Variants in SCUBE1 observed in about 807,000 individuals in gnomAD.
The protein encoded by SCUBE1 is signal peptide, CUB and EGF-like domain-containing protein 1.
A neutral mutation model predicts 124.4 loss-of-function variants in SCUBE1; 59 were observed. The observed-to-expected ratio is 0.47, with a 90% CI of 0.38 to 0.59. The LOEUF is 0.59. SCUBE1 is among the 20% of genes least tolerant of loss of function. The pLI is 0.00. For synonymous variants in SCUBE1, 545 were observed against 550.9 expected, an observed-to-expected ratio of 0.99 and a Z score of 0.15; for missense variants, 1,150 against 1,371.2, an observed-to-expected ratio of 0.84 and a Z score of 2.55.
At chr22:43,334,634 TATC>T (rs1927005154) in intron 2 of SCUBE1, among the ~76,000 whole-genome samples, 1 of 144,448 alleles carries the variant, frequency 6.9e-6, no homozygotes, top group African/African-American at 2.5e-5. Context: ...CCATCAACAT[TATC>T]ATCACCACCA....
chr22:43,259,556 C>T (rs1923795185), intron 5 of SCUBE1, among the ~76,000 whole-genome samples: 1 of 152,214 alleles, frequency 6.6e-6, no homozygotes, highest in African/African-American at 2.4e-5. Flanking sequence ...TCAGAACTGA[C>T]TTCTCCGCAC....
intron 6 of SCUBE1, among the ~76,000 whole-genome samples, chr22:43,253,682 T>G (rs879275872): frequency 5.5e-5 from 8 of 145,872 alleles, no homozygotes; most frequent in Non-Finnish European, 1.2e-4. Context: ...ATCCACTGAC[T>G]CTCATTATTG....
rs576347843 is a variant in SCUBE1 at position 43,315,768 on chromosome 22, C to T, written c.349+4169G>A. On this transcript the variant is annotated intron_variant, in intron 3 of 21. Coordinates refer to ENST00000360835, the MANE Select transcript of SCUBE1 (RefSeq NM_173050.5). The stretch of plus-strand genomic sequence containing the variant: ...GTGGTGGGGCGGGGGAGGGGGGGAA[C>T]CTTACCCAGTTCTTTTAAATTAATC... Among the ~76,000 whole-genome samples, 11 of 152,084 alleles carry T rather than the reference C, an allele frequency of 7.2e-5. No homozygotes were observed. In the East Asian group the frequency reaches 2.1e-3, roughly 29 times the overall value.
intron 1 of SCUBE1, among the ~76,000 whole-genome samples, chr22:43,341,469 G>A (rs1927314867): frequency 6.6e-6 from 1 of 152,212 alleles, no homozygotes; most frequent in Non-Finnish European, 1.5e-5. Flanking sequence ...CACTTCCCAG[G>A]GGCCAGTATG....
intron 3 of SCUBE1, 113 bp from the exon 4 acceptor site, chr22:43,291,293 G>T: frequency 8.2e-7 from 1 of 1,219,470 alleles, no homozygotes. Flanking sequence ...CCTGAAGGGA[G>T]GGACTCCAGA....
intron 15 of SCUBE1, among the ~76,000 whole-genome samples, chr22:43,215,679 G>A (rs904996883): frequency 4.6e-5 from 7 of 152,200 alleles, no homozygotes; most frequent in Non-Finnish European, 8.8e-5. Context: ...AGCTCTGAGC[G>A]TTAGCCTAGA....
At chr22:43,339,627 TTACTCTATCCCCC>T (rs1927207365) in intron 1 of SCUBE1, among the ~76,000 whole-genome samples, 2 of 108,506 alleles carry the variant, frequency 1.8e-5, no homozygotes, top group East Asian at 2.6e-4. Context: ...CCTACTCTCC[TTACTCTATCCCCC>T]CACAAGCATC....
rs892068887 is a variant in SCUBE1 at position 43,199,930 on chromosome 22, G to A, written c.*4067C>T. 5.3e-5 allele frequency: 8 copies of A among 152,260 alleles called. No individual in the cohort carries two copies. The highest frequency in any genetic ancestry group is 1.4e-4 in the African/African-American group (6 of 41,452). The allele number at this position is 152,260 out of a possible 1,614,324, so 9.4% of individuals were successfully genotyped here. ...CTATATGAGCCCTCAATCACGGAGG[G>A]CCTGGCTGTCTTCGAAACCCTGCTG... On this transcript the variant is annotated 3_prime_UTR_variant, in exon 22 of 22. Transcript: ENST00000360835.
chr22:43,333,300 T>A (rs753558855), intron 2 of SCUBE1, among the ~76,000 whole-genome samples: 1 of 152,228 alleles, frequency 6.6e-6, no homozygotes, highest in Non-Finnish European at 1.5e-5. Context: ...CTCACCTGTC[T>A]GGCTACAGCA....
At chr22:43,249,465 C>T (rs550056682) in intron 6 of SCUBE1, among the ~76,000 whole-genome samples, 1 of 152,138 alleles carries the variant, frequency 6.6e-6, no homozygotes, top group Non-Finnish European at 1.5e-5. Context: ...ACAGTGTGTG[C>T]CCCCTAAGTG....
chr22:43,251,659 C>T (rs1181386340), intron 6 of SCUBE1, among the ~76,000 whole-genome samples: 1 of 152,132 alleles, frequency 6.6e-6, no homozygotes, highest in Non-Finnish European at 1.5e-5. Context: ...GCTGGAAAGG[C>T]AAGGAAGGGG....
At chr22:43,291,463 G>A (rs1445534809) in intron 3 of SCUBE1, among the ~76,000 whole-genome samples, 13 of 104,272 alleles carry the variant, frequency 1.2e-4, no homozygotes, top group South Asian at 6.9e-4. Flanking sequence ...GGTCTCCATC[G>A]CGCTGTGCTA....
intron 2 of SCUBE1, among the ~76,000 whole-genome samples, chr22:43,336,820 A>G (rs1022761380): frequency 1.3e-5 from 2 of 152,152 alleles, no homozygotes; most frequent in African/African-American, 4.8e-5. Context: ...GGCAAACCTA[A>G]AGAATGATTA....
intron 5 of SCUBE1, among the ~76,000 whole-genome samples, chr22:43,262,333 C>T (rs559208119): frequency 4.9e-4 from 75 of 152,324 alleles, no homozygotes; most frequent in African/African-American, 1.7e-3. Context: ...AATGGGACCA[C>T]TTCAGAACCA....
intron 3 of SCUBE1, among the ~76,000 whole-genome samples, chr22:43,315,019 ATT>A (rs5845593): frequency 6.6e-6 from 1 of 151,720 alleles, no homozygotes; most frequent in African/African-American, 2.4e-5. Context: ...AGAAATATTG[ATT>A]TTTTTTAATG....
intron 3 of SCUBE1, among the ~76,000 whole-genome samples, chr22:43,312,830 T>C (rs538377712): frequency 5.3e-5 from 8 of 152,082 alleles, no homozygotes; most frequent in African/African-American, 1.9e-4. Flanking sequence ...CACGGATAGA[T>C]ACAGGCGTGC....
intron 10 of SCUBE1, among the ~76,000 whole-genome samples, chr22:43,226,625 C>T (rs190883891): frequency 0.19 from 870 of 4,580 alleles, 26 homozygotes; most frequent in Admixed American, 0.44. Flanking sequence ...TTGGAAGGGG[C>T]GGAGGGTGGG....
chr22:43,237,737 A>C lies in SCUBE1; in HGVS notation c.844+1101T>G, dbSNP rs1341519496. The C allele has an allele frequency of 2.0e-5, 3 of 152,206 alleles. No individual in the cohort carries two copies. The East Asian group carries it at 5.8e-4, about 29-fold the overall frequency. The allele number at this position is 152,206 out of a possible 1,614,324, so 9.4% of individuals were successfully genotyped here. A position where few individuals can be genotyped will look rare whatever the true frequency, so the allele number is the denominator to read the frequency against. The stretch of plus-strand genomic sequence containing the variant: ...GCTTAAAAAAAGTCCACCTCAAGCT[A>C]TTTTAAGTCACCCTAACCTCCACTT... On this transcript the variant is annotated intron_variant, in intron 7 of 21. Transcript: ENST00000360835.
At chr22:43,303,035 C>T (rs1925833035) in intron 3 of SCUBE1, among the ~76,000 whole-genome samples, 1 of 152,242 alleles carries the variant, frequency 6.6e-6, no homozygotes, top group South Asian at 2.1e-4. Context: ...TGACACAGGT[C>T]CTCTGGCCAG....
Sources: gnomAD v4.1 joint callset for allele counts (sites outside exome capture counted in the v4.1 genomes callset) on GRCh38, gnomAD v4.1.1 for gene constraint, MANE v1.5 for transcripts, NCBI Gene and HGNC (gene_info 2026-07-23, HGNC 2026-07-21) for gene names.